DLG2: variants seen among roughly 807,000 people sequenced by gnomAD.
The protein encoded by DLG2 is disks large homolog 2.
Under a neutral mutation model 132.5 loss-of-function variants are expected in DLG2, and 45 were observed. The ratio of observed to expected loss-of-function variants is 0.34; its 90% CI spans 0.27 to 0.44. DLG2 has a LOEUF of 0.44. DLG2 is among the 20% of genes least tolerant of loss of function. DLG2 has a pLI of 1.00. For missense variants in DLG2, 1,045 were observed against 1,196.9 expected (o/e 0.87, Z 1.87); for synonymous variants, 424 against 419.6 (o/e 1.01, Z -0.13).
At chr11:85,390,339 T>G (rs1290470379) in intron 3 of DLG2, among the ~76,000 whole-genome samples, 1 of 152,030 alleles carries the variant, frequency 6.6e-6, no homozygotes, top group Non-Finnish European at 1.5e-5. Context: ...ACATTGGCAC[T>G]CCCAAATTTA....
chr11:83,751,507 C>T (rs1355858548), intron 18 of DLG2, among the ~76,000 whole-genome samples: 1 of 152,082 alleles, frequency 6.6e-6, no homozygotes, highest in East Asian at 1.9e-4. Context: ...CATTAGGAGT[C>T]AGTTGCATTA....
chr11:85,056,809 T>C (rs753433842), intron 6 of DLG2, among the ~76,000 whole-genome samples: 19 of 151,996 alleles, frequency 1.3e-4, no homozygotes, highest in Non-Finnish European at 2.7e-4. Flanking sequence ...CCATAGGCAT[T>C]TTTAATGTAC....
chr11:84,694,543 G>A (rs2058411777), intron 6 of DLG2, among the ~76,000 whole-genome samples: 1 of 151,302 alleles, frequency 6.6e-6, no homozygotes, highest in Non-Finnish European at 1.5e-5. Context: ...TAGTAATAGA[G>A]TGACAACTCT....
At chr11:84,349,925 C>T (rs2154411379) in intron 7 of DLG2, among the ~76,000 whole-genome samples, 1 of 152,034 alleles carries the variant, frequency 6.6e-6, no homozygotes, top group East Asian at 1.9e-4. Flanking sequence ...CGCCTGTAAT[C>T]CCAGCACTTT....
At chr11:84,544,598 C>T (rs1269366184) in intron 6 of DLG2, among the ~76,000 whole-genome samples, 1 of 152,152 alleles carries the variant, frequency 6.6e-6, no homozygotes, top group African/African-American at 2.4e-5. Context: ...GACACATGAT[C>T]TCAAATCTTG....
chr11:83,775,041 A>C (rs2094531022), intron 18 of DLG2, among the ~76,000 whole-genome samples: 1 of 152,074 alleles, frequency 6.6e-6, no homozygotes, highest in Admixed American at 6.6e-5. Flanking sequence ...TAAAAAGAGA[A>C]AGAAGACATA....
chr11:83,620,869 C>CAAAAAAAAA lies in DLG2; in HGVS notation c.1940+12333_1940+12341dup, dbSNP rs56868518. ...TGGGCGACAGAGCGAGACTCCGTCT[C>CAAAAAAAAA]AAAAAAAAAAAAAAAAAAAAAAAAA... On this transcript the variant is annotated intron_variant, in intron 19 of 27. Coordinates refer to ENST00000376104, the MANE Select transcript of DLG2 (RefSeq NM_001142699.3). 4.9e-4 allele frequency among the ~76,000 whole-genome samples: 28 copies of CAAAAAAAAA among 57,214 alleles called. 2 individuals carry two copies. The highest frequency in any genetic ancestry group is 2.6e-3 in the African/African-American group (26 of 10,100). The allele number at this position is 57,214 out of a possible 152,430, so 37.5% of individuals were successfully genotyped here.
At chr11:84,735,455 T>C (rs780090413) in intron 6 of DLG2, among the ~76,000 whole-genome samples, 1 of 152,198 alleles carries the variant, frequency 6.6e-6, no homozygotes, top group Non-Finnish European at 1.5e-5. Flanking sequence ...CTGATGGTAG[T>C]TTGTATTTCT....
intron 6 of DLG2, among the ~76,000 whole-genome samples, chr11:84,651,481 T>C (rs2099682015): frequency 1.3e-5 from 2 of 152,186 alleles, no homozygotes; most frequent in Non-Finnish European, 2.9e-5. Context: ...AGGAAGATGC[T>C]ATGTGTCTTG....
In DLG2 at chr11:84,591,223, C is replaced by CTG. The variant is rs781411791; in HGVS notation, c.358-56494_358-56493dup. On this transcript the variant is annotated intron_variant, in intron 6 of 27. Coordinates refer to ENST00000376104, the MANE Select transcript of DLG2 (RefSeq NM_001142699.3). ...TAAACACTGCTATATATGTGTCTCT[C>CTG]TGTGTGTGTGTGTGTGTGTGTGTGT... 1.8e-3 allele frequency among the ~76,000 whole-genome samples: 256 copies of CTG among 139,280 alleles called. 2 individuals are homozygous for CTG. The highest frequency in any genetic ancestry group is 7.2e-3 in the Middle Eastern group (2 of 276). 91.4% of individuals were successfully genotyped at this position (139,280 alleles called of 152,430 possible). A position where few individuals can be genotyped will look rare whatever the true frequency, so the allele number is the denominator to read the frequency against.
intron 16 of DLG2, among the ~76,000 whole-genome samples, chr11:83,835,374 G>C (rs2055848768): frequency 1.3e-5 from 2 of 152,150 alleles, no homozygotes; most frequent in South Asian, 4.1e-4. Flanking sequence ...AGTGTAGGAG[G>C]GATAGGTTGT....
At chr11:83,762,332 G>A (rs1300295130) in intron 18 of DLG2, among the ~76,000 whole-genome samples, 1 of 152,186 alleles carries the variant, frequency 6.6e-6, no homozygotes. Flanking sequence ...GATGCTATGT[G>A]ACAGAGCAGG....
chr11:85,517,787 C>T (rs1157543995), intron 3 of DLG2, among the ~76,000 whole-genome samples: 4 of 152,024 alleles, frequency 2.6e-5, no homozygotes, highest in Non-Finnish European at 2.9e-5. Context: ...TGTGTCCCCA[C>T]CCAAATCTCA....
chr11:83,779,870 C>T (rs186879809), intron 18 of DLG2, among the ~76,000 whole-genome samples: 193 of 152,254 alleles, frequency 1.3e-3, no homozygotes, highest in African/African-American at 4.3e-3. Context: ...GTAATGTTAG[C>T]GACAAAACTT....
chr11:83,784,341 G>A (rs927057046), intron 18 of DLG2, among the ~76,000 whole-genome samples: 2 of 152,158 alleles, frequency 1.3e-5, no homozygotes, highest in African/African-American at 4.8e-5. Flanking sequence ...ATTGAAAACT[G>A]CAGTTAAATT....
At chr11:83,884,365 C>T (rs913915959) in intron 15 of DLG2, among the ~76,000 whole-genome samples, 1 of 152,152 alleles carries the variant, frequency 6.6e-6, no homozygotes, top group African/African-American at 2.4e-5. Context: ...TGAGATTAAA[C>T]TGTAAGGCGG....
At chr11:84,747,320 C>G (rs1291876131) in intron 6 of DLG2, among the ~76,000 whole-genome samples, 4 of 152,090 alleles carry the variant, frequency 2.6e-5, no homozygotes, top group African/African-American at 7.2e-5. Flanking sequence ...CATATTCACA[C>G]AACCTGTATA....
intron 18 of DLG2, among the ~76,000 whole-genome samples, chr11:83,680,896 A>T (rs557175137): frequency 5.9e-5 from 9 of 151,368 alleles, no homozygotes; most frequent in South Asian, 2.1e-4. Context: ...AAATGCATAC[A>T]TTTTTTTCAA....
chr11:85,250,562 G>A (rs916876808), intron 4 of DLG2, among the ~76,000 whole-genome samples: 1 of 152,060 alleles, frequency 6.6e-6, no homozygotes, highest in Non-Finnish European at 1.5e-5. Flanking sequence ...CTTGCAAGAA[G>A]ATTATTATTC....
Sources: allele counts gnomAD v4.1 joint callset (sites outside exome capture counted in the v4.1 genomes callset), GRCh38; gene constraint gnomAD v4.1.1; transcripts MANE v1.5; gene names NCBI Gene and HGNC (gene_info 2026-07-23, HGNC 2026-07-21).